Variants in DPP6 observed in about 807,000 individuals in gnomAD.
DPP6 encodes dipeptidyl peptidase like 6, also known as A-type potassium channel modulatory protein DPP6.
Under a neutral mutation model 122.6 loss-of-function variants are expected in DPP6, and 69 were observed. The observed-to-expected ratio is 0.56, with a 90% CI of 0.46 to 0.69. The LOEUF is 0.69. DPP6 is among the 30% of genes least tolerant of loss of function. The pLI is 0.00. For synonymous variants in DPP6, 418 were observed against 433.1 expected (o/e 0.97, Z 0.43); for missense variants, 928 against 1,116.9 (o/e 0.83, Z 2.41).
At chr7:153,874,989 G>A in the DPP6 span, among the ~76,000 whole-genome samples, 82 of 152,118 alleles carry the variant, frequency 5.4e-4, 2 homozygotes, top group Non-Finnish European at 1.0e-4. Context: ...CAAAAGTAAC[G>A]GAAAAATCCA....
intron 7 of DPP6, among the ~76,000 whole-genome samples, chr7:154,676,932 G>A (rs1027737328): frequency 1.3e-5 from 2 of 152,160 alleles, no homozygotes; most frequent in Non-Finnish European, 2.9e-5. Flanking sequence ...TTGCAGTTGT[G>A]GGGGGAAGAA....
At chr7:154,007,036 G>A (rs143561460) in intron 1 of DPP6, among the ~76,000 whole-genome samples, 6 of 152,320 alleles carry the variant, frequency 3.9e-5, no homozygotes, top group African/African-American at 1.4e-4. Flanking sequence ...TACAGAGCCT[G>A]GTCATGCTAT....
rs569149960 is a variant in DPP6, at chr7:154,157,298, GA to G, written c.243+104238del. Among the ~76,000 whole-genome samples, 503 of 152,334 alleles carry G rather than the reference GA, an allele frequency of 3.3e-3. 4 individuals carry two copies. The highest frequency in any genetic ancestry group is 0.011 in the African/African-American group (475 of 41,576). ...AGTCTGCCTCTCCAACTTTGCTGAG[GA>G]AACTCGAAAGTATGGAAAGCCAGGA... On this transcript the variant is annotated intron_variant, in intron 1 of 25. Coordinates refer to ENST00000377770, the MANE Select transcript of DPP6 (RefSeq NM_130797.4).
At chr7:153,865,130 A>G in the DPP6 span, among the ~76,000 whole-genome samples, 2 of 152,144 alleles carry the variant, frequency 1.3e-5, no homozygotes, top group Non-Finnish European at 2.9e-5. Context: ...TAGTAAATGT[A>G]TTTTACACAC....
intron 3 of DPP6, among the ~76,000 whole-genome samples, chr7:154,501,062 G>C (rs1563768094): frequency 6.6e-6 from 1 of 152,220 alleles, no homozygotes; most frequent in Non-Finnish European, 1.5e-5. Context: ...GAGACTGGTG[G>C]CATTTTGCCC....
At chr7:154,408,224 G>A (rs1482612824) in intron 1 of DPP6, among the ~76,000 whole-genome samples, 1 of 152,096 alleles carries the variant, frequency 6.6e-6, no homozygotes, top group Non-Finnish European at 1.5e-5. Context: ...AGAAAAATGG[G>A]ACACATTTAT....
At chr7:154,696,594 T>G (rs1840230784) in intron 7 of DPP6, among the ~76,000 whole-genome samples, 1 of 152,222 alleles carries the variant, frequency 6.6e-6, no homozygotes. Context: ...GGCCCAGAGC[T>G]GGAGCCTGCC....
At chr7:154,110,192 C>T (rs2150583755) in intron 1 of DPP6, among the ~76,000 whole-genome samples, 1 of 152,258 alleles carries the variant, frequency 6.6e-6, no homozygotes, top group South Asian at 2.1e-4. Flanking sequence ...CATTTGCATC[C>T]TGGTGTTCTC....
At chr7:153,930,931 G>A (rs567378576) in intron 1 of DPP6, among the ~76,000 whole-genome samples, 1 of 152,302 alleles carries the variant, frequency 6.6e-6, no homozygotes, top group Admixed American at 6.5e-5. Context: ...CTTCATAGGC[G>A]CAGCTTGTTT....
intron 5 of DPP6, among the ~76,000 whole-genome samples, chr7:154,625,554 T>C (rs1381584584): frequency 2.6e-5 from 4 of 152,226 alleles, no homozygotes; most frequent in African/African-American, 4.8e-5. Flanking sequence ...TCCATTCCCT[T>C]AGTGACCTAG....
At chr7:154,250,564 G>A (rs10235250) in intron 1 of DPP6, among the ~76,000 whole-genome samples, 114,834 of 152,084 alleles carry the variant, frequency 0.76, 44,546 homozygotes, top group African/African-American at 0.94. Flanking sequence ...TGTAGGAACT[G>A]TAGAAAAATG....
intron 1 of DPP6, among the ~76,000 whole-genome samples, chr7:154,167,160 C>T (rs1227900840): frequency 6.6e-6 from 1 of 151,962 alleles, no homozygotes; most frequent in Non-Finnish European, 1.5e-5. Context: ...TTATCTTGGT[C>T]TCAGGCTGCT....
intron 8 of DPP6, among the ~76,000 whole-genome samples, chr7:154,743,523 G>T (rs770869534): frequency 3.9e-5 from 6 of 152,170 alleles, no homozygotes; most frequent in Non-Finnish European, 5.9e-5. Context: ...AAAGAAAGAA[G>T]GCTGAATTTT....
At chr7:153,928,716 A>G (rs1025320916) in intron 1 of DPP6, among the ~76,000 whole-genome samples, 1 of 152,134 alleles carries the variant, frequency 6.6e-6, no homozygotes, top group Non-Finnish European at 1.5e-5. Context: ...CACGTTGGTG[A>G]TTACATTTCA....
At chr7:154,700,326 T>C (rs935402595) in intron 7 of DPP6, among the ~76,000 whole-genome samples, 2 of 152,200 alleles carry the variant, frequency 1.3e-5, no homozygotes, top group African/African-American at 4.8e-5. Flanking sequence ...AAGATTATAA[T>C]TTTGTGGGCA....
intron 1 of DPP6, among the ~76,000 whole-genome samples, chr7:154,404,629 A>G (rs1815917678): frequency 6.6e-6 from 1 of 152,242 alleles, no homozygotes; most frequent in Non-Finnish European, 1.5e-5. Flanking sequence ...TTAACCAGTA[A>G]TGATGGAAAT....
chr7:154,880,252 G>C (rs774552048), intron 20 of DPP6, among the ~76,000 whole-genome samples: 1 of 152,212 alleles, frequency 6.6e-6, no homozygotes, highest in Non-Finnish European at 1.5e-5. Flanking sequence ...GTCCCAGCAA[G>C]GGTGAGGCAG....
At chr7:153,829,944 A>T in the DPP6 span, among the ~76,000 whole-genome samples, 1 of 152,188 alleles carries the variant, frequency 6.6e-6, no homozygotes. Flanking sequence ...CTGTGATTCT[A>T]TGTGCCTTGC....
At chr7:153,789,340 A>C in the DPP6 span, among the ~76,000 whole-genome samples, 1 of 152,334 alleles carries the variant, frequency 6.6e-6, no homozygotes, top group South Asian at 2.1e-4. Flanking sequence ...AAAGCTACCT[A>C]CATATATAAT....
Sources: allele counts gnomAD v4.1 joint callset (sites outside exome capture counted in the v4.1 genomes callset), GRCh38; gene constraint gnomAD v4.1.1; transcripts MANE v1.5; gene names NCBI Gene and HGNC (gene_info 2026-07-23, HGNC 2026-07-21).